Variants in MCC observed in about 807,000 individuals in gnomAD.
MCC encodes colorectal mutant cancer protein.
Under a neutral mutation model 116.2 loss-of-function variants are expected in MCC, and 90 were observed. The ratio of observed to expected loss-of-function variants is 0.77; its 90% CI spans 0.65 to 0.92. The LOEUF (loss-of-function observed/expected upper bound fraction) is 0.92. Ranked by LOEUF, MCC falls within the 40% of genes least tolerant of loss-of-function variation. The pLI, the probability that MCC is intolerant of heterozygous loss-of-function variation, is 0.00. For synonymous variants in MCC, 578 were observed against 510.5 expected (o/e 1.13, Z -1.78); for missense variants, 1,516 against 1,312.2 (o/e 1.16, Z -2.40).
intron 3 of MCC, among the ~76,000 whole-genome samples, chr5:113,261,756 G>A (rs568142396): frequency 1.3e-5 from 2 of 151,938 alleles, no homozygotes; most frequent in Non-Finnish European, 2.9e-5. Flanking sequence ...GGCAGACAGG[G>A]TATAAAGAAG....
chr5:113,082,107 T>A (rs2150242525), intron 11 of MCC, among the ~76,000 whole-genome samples: 1 of 152,342 alleles, frequency 6.6e-6, no homozygotes, highest in Non-Finnish European at 1.5e-5. Flanking sequence ...TGTTAGCAAC[T>A]CCCTCATCAC....
At chr5:113,475,509 A>G (rs1223141064) in intron 1 of MCC, among the ~76,000 whole-genome samples, 1 of 152,212 alleles carries the variant, frequency 6.6e-6, no homozygotes, top group Non-Finnish European at 1.5e-5. Context: ...TAAATTTAGT[A>G]ATGACTCATT....
rs1394438893 is a variant in MCC at position 113,459,131 on chromosome 5, A to ATATGTG, written c.170+29108_170+29113dup. ...ATGAGGTCTCTGGGGAGGAGTAAGGATATGTGTGTGTGTGTGTGTGTGTGT... is the reference window on the plus strand; with the variant it reads ...ATGAGGTCTCTGGGGAGGAGTAAGGATATGTGTATGTGTGTGTGTGTGTGTGTGTGT... On this transcript the variant is annotated intron_variant, in intron 1 of 18. Coordinates refer to ENST00000408903, the MANE Select transcript of MCC (RefSeq NM_001085377.2). 4.6e-3 allele frequency among the ~76,000 whole-genome samples: 296 copies of ATATGTG among 64,006 alleles called. 3 individuals are homozygous for ATATGTG. The highest frequency in any genetic ancestry group is 0.021 in the African/African-American group (288 of 13,416). The allele number at this position is 64,006 out of a possible 152,430, so 42.0% of individuals were successfully genotyped here.
intron 17 of MCC, among the ~76,000 whole-genome samples, chr5:113,036,219 G>A (rs949360893): frequency 6.6e-6 from 1 of 151,852 alleles, no homozygotes; most frequent in African/African-American, 2.4e-5. Context: ...TGTATTTTTA[G>A]TAGGGACAGG....
intron 1 of MCC, among the ~76,000 whole-genome samples, chr5:113,422,446 T>C (rs1418734558): frequency 6.6e-6 from 1 of 152,246 alleles, no homozygotes; most frequent in East Asian, 1.9e-4. Flanking sequence ...TTTGTCTTTT[T>C]AATTGACTTT....
chr5:113,288,855 A>G (rs11956139), intron 3 of MCC, among the ~76,000 whole-genome samples: 60,505 of 152,030 alleles, frequency 0.4, 15,939 homozygotes, highest in African/African-American at 0.75. Context: ...TTCTTATGCC[A>G]TAATTTCTAA....
chr5:113,289,509 T>C (rs915325172), intron 3 of MCC, among the ~76,000 whole-genome samples: 5 of 152,088 alleles, frequency 3.3e-5, no homozygotes, highest in Non-Finnish European at 5.9e-5. Context: ...AACAGCTGTT[T>C]TGACCAACAG....
intron 1 of MCC, among the ~76,000 whole-genome samples, chr5:113,465,341 G>A (rs1433282302): frequency 6.6e-6 from 1 of 151,978 alleles, no homozygotes; most frequent in African/African-American, 2.4e-5. Context: ...GGAAAATTAT[G>A]TTTTCTATCA....
At chr5:113,080,428 A>G (rs1362570982) in intron 11 of MCC, among the ~76,000 whole-genome samples, 1 of 152,236 alleles carries the variant, frequency 6.6e-6, no homozygotes. Flanking sequence ...GATAGACTGC[A>G]TTAAGAAAAT....
chr5:113,104,168 TCA>T, intron 7 of MCC, 22 bp downstream of exon 7: 2 of 1,578,242 alleles, frequency 1.3e-6, no homozygotes, highest in Non-Finnish European at 1.7e-6. Context: ...TCAAAGGGCC[TCA>T]CAGAGGGTGA....
chr5:113,201,387 C>CAAAAAAAAAA (rs68052804), intron 3 of MCC, among the ~76,000 whole-genome samples: 2 of 128,280 alleles, frequency 1.6e-5, no homozygotes, highest in Non-Finnish European at 3.2e-5. Context: ...ACGCCATCTC[C>CAAAAAAAAAA]AAAAAAAAAA....
At chr5:113,264,059 T>G (rs1765318066) in intron 3 of MCC, among the ~76,000 whole-genome samples, 1 of 152,222 alleles carries the variant, frequency 6.6e-6, no homozygotes, top group Non-Finnish European at 1.5e-5. Context: ...AAAGAGGCAC[T>G]TTGCTCTTTA....
At chr5:113,315,924 T>A (rs1273283079) in intron 3 of MCC, among the ~76,000 whole-genome samples, 1 of 151,606 alleles carries the variant, frequency 6.6e-6, no homozygotes, top group African/African-American at 2.4e-5. Context: ...ATTTCTTCTT[T>A]CGAAGTGCCC....
At chr5:113,108,181 C>G (rs1199317987) in intron 6 of MCC, among the ~76,000 whole-genome samples, 1 of 151,726 alleles carries the variant, frequency 6.6e-6, no homozygotes, top group Non-Finnish European at 1.5e-5. Flanking sequence ...CCTGTCTCTA[C>G]TAAAAATATA....
At chr5:113,382,672 G>T (rs537841035) in intron 2 of MCC, among the ~76,000 whole-genome samples, 3 of 152,072 alleles carry the variant, frequency 2.0e-5, no homozygotes, top group Non-Finnish European at 4.4e-5. Flanking sequence ...AGTTTAACAC[G>T]TATTTAGTGA....
chr5:113,090,556 T>A (rs1415341138), intron 8 of MCC, among the ~76,000 whole-genome samples: 1 of 152,164 alleles, frequency 6.6e-6, no homozygotes, highest in Non-Finnish European at 1.5e-5. Flanking sequence ...TTTGGACACG[T>A]TCCTCAACGG....
chr5:113,081,561 G>T (rs968581400), intron 11 of MCC, among the ~76,000 whole-genome samples: 2 of 152,118 alleles, frequency 1.3e-5, no homozygotes, highest in African/African-American at 4.8e-5. Context: ...AATCTGTAGA[G>T]AGGAGATCCT....
At chr5:113,284,595 C>T (rs1766174498) in intron 3 of MCC, among the ~76,000 whole-genome samples, 2 of 152,204 alleles carry the variant, frequency 1.3e-5, no homozygotes, top group Admixed American at 1.3e-4. Context: ...TACATTTCCC[C>T]TTTTGCCACT....
chr5:113,230,323 T>C (rs1404790023), intron 3 of MCC, among the ~76,000 whole-genome samples: 1 of 152,224 alleles, frequency 6.6e-6, no homozygotes, highest in Non-Finnish European at 1.5e-5. Flanking sequence ...TTTTAGGTCA[T>C]ACAATTTTAG....
Sources: gnomAD v4.1 joint callset for allele counts (sites outside exome capture counted in the v4.1 genomes callset) on GRCh38, gnomAD v4.1.1 for gene constraint, MANE v1.5 for transcripts, NCBI Gene and HGNC (gene_info 2026-07-23, HGNC 2026-07-21) for gene names.